Variants in ELOVL6 observed in about 807,000 individuals in gnomAD.
ELOVL6 encodes the protein ELOVL fatty acid elongase 6.
ELOVL6 carries 8 observed loss-of-function variants against 31.7 expected under a neutral mutation model. That is an observed-to-expected ratio of 0.25 (90% CI 0.15 to 0.45). The LOEUF (loss-of-function observed/expected upper bound fraction) is 0.45. Among genes scored for constraint, ELOVL6 ranks in the 20% least tolerant of loss-of-function variants. The pLI, the probability that ELOVL6 is intolerant of heterozygous loss-of-function variation, is 1.00. For missense variants in ELOVL6, 126 were observed against 326.4 expected (o/e 0.39, Z 4.73); for synonymous variants, 101 against 117.7 (o/e 0.86, Z 0.92).
intron 2 of ELOVL6, among the ~76,000 whole-genome samples, chr4:110,079,032 AGAGAT>A (rs1755747293): frequency 6.6e-6 from 1 of 152,212 alleles, no homozygotes; most frequent in Non-Finnish European, 1.5e-5. Context: ...TTCAACAAGA[AGAGAT>A]AACTATCCTA....
chr4:110,166,681 A>G (rs1003148700), intron 1 of ELOVL6, among the ~76,000 whole-genome samples: 1 of 152,150 alleles, frequency 6.6e-6, no homozygotes, highest in African/African-American at 2.4e-5. Flanking sequence ...CTGCCTGTTA[A>G]TCTCAGCATG....
At chr4:110,053,746 T>C (rs1046515969) in intron 3 of ELOVL6, among the ~76,000 whole-genome samples, 4 of 152,188 alleles carry the variant, frequency 2.6e-5, no homozygotes, top group Non-Finnish European at 5.9e-5. Flanking sequence ...AAGACCATCC[T>C]GGCTAACACG....
At chr4:110,181,046 A>G (rs532429136) in intron 1 of ELOVL6, among the ~76,000 whole-genome samples, 1 of 151,368 alleles carries the variant, frequency 6.6e-6, no homozygotes, top group South Asian at 2.1e-4. Flanking sequence ...GCTGAGGCGG[A>G]AGGATTGCTT....
intron 1 of ELOVL6, among the ~76,000 whole-genome samples, chr4:110,111,864 A>G (rs11937052): frequency 0.071 from 10,815 of 152,278 alleles, 618 homozygotes; most frequent in East Asian, 0.17. Flanking sequence ...GTTGTGTGAC[A>G]TTCTGAAAAC....
At chr4:110,170,385 T>C (rs1758908856) in intron 1 of ELOVL6, among the ~76,000 whole-genome samples, 1 of 152,252 alleles carries the variant, frequency 6.6e-6, no homozygotes, top group African/African-American at 2.4e-5. Flanking sequence ...AATTCATACT[T>C]ATTTAGCATA....
At chr4:110,170,964 G>C (rs762690286) in intron 1 of ELOVL6, among the ~76,000 whole-genome samples, 1 of 152,064 alleles carries the variant, frequency 6.6e-6, no homozygotes, top group Non-Finnish European at 1.5e-5. Flanking sequence ...GCCCAAGGCA[G>C]AACTCTAACC....
chr4:110,166,165 A>T (rs1272744953), intron 1 of ELOVL6, among the ~76,000 whole-genome samples: 2 of 152,116 alleles, frequency 1.3e-5, no homozygotes, highest in Non-Finnish European at 2.9e-5. Flanking sequence ...AGGCACATTC[A>T]TTTCGCCCCT....
rs991783411 is a variant in ELOVL6, at chr4:110,050,866, A to AT, written c.*471dup. The AT allele has an allele frequency of 1.2e-5, 2 of 162,104 alleles. No homozygotes were observed. The highest frequency in any genetic ancestry group is 1.2e-4 in the Admixed American group (2 of 16,990). 10.0% of individuals were successfully genotyped at this position (162,104 alleles called of 1,614,324 possible). A position where few individuals can be genotyped will look rare whatever the true frequency, so the allele number is the denominator to read the frequency against. Reference sequence around the variant, plus strand: ...TAGATATACACCCTGTGTCTCTTTCATTTTTGTCTTTTCTATTGGCTCCAG... The same window carrying AT: ...TAGATATACACCCTGTGTCTCTTTCATTTTTTGTCTTTTCTATTGGCTCCAG... On this transcript the variant is annotated 3_prime_UTR_variant, in exon 4 of 4. Coordinates refer to ENST00000302274, the MANE Select transcript of ELOVL6 (RefSeq NM_024090.3).
intron 1 of ELOVL6, among the ~76,000 whole-genome samples, chr4:110,151,572 A>G (rs1758280896): frequency 6.6e-6 from 1 of 152,162 alleles, no homozygotes; most frequent in Admixed American, 6.5e-5. Context: ...CCTATGGGAT[A>G]GATGCTTGGG....
At chr4:110,157,960 A>G (rs1758501778) in intron 1 of ELOVL6, among the ~76,000 whole-genome samples, 1 of 152,248 alleles carries the variant, frequency 6.6e-6, no homozygotes, top group Non-Finnish European at 1.5e-5. Flanking sequence ...AGAAGAATTA[A>G]CTAAATACAT....
At chr4:110,135,367 G>A (rs765325513) in intron 1 of ELOVL6, among the ~76,000 whole-genome samples, 2 of 152,168 alleles carry the variant, frequency 1.3e-5, no homozygotes, top group Non-Finnish European at 2.9e-5. Context: ...ACTTGCGTAA[G>A]TTTGCATAAC....
chr4:110,108,801 A>G (rs1756954556), intron 1 of ELOVL6, among the ~76,000 whole-genome samples: 1 of 152,214 alleles, frequency 6.6e-6, no homozygotes. Context: ...GCTGTGATCA[A>G]AGTAAGTTTT....
At chr4:110,079,576 G>A (rs1755767352) in intron 2 of ELOVL6, among the ~76,000 whole-genome samples, 1 of 152,074 alleles carries the variant, frequency 6.6e-6, no homozygotes, top group Non-Finnish European at 1.5e-5. Context: ...GAATCTCTGG[G>A]ACATATTCAA....
At chr4:110,092,472 A>G (rs1363135184) in intron 2 of ELOVL6, among the ~76,000 whole-genome samples, 1 of 152,196 alleles carries the variant, frequency 6.6e-6, no homozygotes, top group Non-Finnish European at 1.5e-5. Flanking sequence ...ATGAACACTA[A>G]TACCACTCTT....
At chr4:110,171,726 C>A (rs902390887) in intron 1 of ELOVL6, among the ~76,000 whole-genome samples, 1 of 110,980 alleles carries the variant, frequency 9.0e-6, no homozygotes. Context: ...GGGTCTCTCT[C>A]TGTGTTGTCC....
At chr4:110,061,138 C>G (rs545765759) in intron 2 of ELOVL6, among the ~76,000 whole-genome samples, 9 of 152,232 alleles carry the variant, frequency 5.9e-5, no homozygotes, top group African/African-American at 2.2e-4. Context: ...AGATATAGAT[C>G]CTGTTTAATC....
chr4:110,141,334 AT>A (rs1200278704), intron 1 of ELOVL6, among the ~76,000 whole-genome samples: 3 of 152,170 alleles, frequency 2.0e-5, no homozygotes, highest in Non-Finnish European at 2.9e-5. Flanking sequence ...AAGTGCTGGG[AT>A]TACAGGCATA....
rs1195296418 is a variant in ELOVL6 at position 110,139,187 on chromosome 4, T to C, written c.90-33559A>G. ...CAACAAAATGAAAACGTTTTTCTTC[T>C]ATGAAAGCCTAATAAGAAGAAATTT... On this transcript the variant is annotated intron_variant, in intron 1 of 3. Transcript: ENST00000302274. Among the ~76,000 whole-genome samples the C allele has an allele frequency of 1.3e-5, 2 of 152,190 alleles. 1 individual carries two copies. The highest frequency in any genetic ancestry group is 1.3e-4 in the Admixed American group (2 of 15,274).
intron 2 of ELOVL6, among the ~76,000 whole-genome samples, chr4:110,103,470 A>C (rs1365278916): frequency 6.6e-5 from 10 of 152,136 alleles, no homozygotes; most frequent in Non-Finnish European, 1.3e-4. Flanking sequence ...TAAAAAAAAA[A>C]CCTGATGAAT....
Sources: gnomAD v4.1 joint callset for allele counts (sites outside exome capture counted in the v4.1 genomes callset) on GRCh38, gnomAD v4.1.1 for gene constraint, MANE v1.5 for transcripts, NCBI Gene and HGNC (gene_info 2026-07-23, HGNC 2026-07-21) for gene names.